The following USP24 variants were observed in gnomAD, a reference collection of about 807,000 sequenced individuals.
USP24 encodes the protein ubiquitin specific peptidase 24, also known as ubiquitin carboxyl-terminal hydrolase 24.
A neutral mutation model predicts 361.6 loss-of-function variants in USP24; 97 were observed. The observed-to-expected ratio is 0.27, with a 90% confidence interval of 0.23 to 0.32. The LOEUF (loss-of-function observed/expected upper bound fraction) is 0.32, where lower values mean the gene tolerates loss of function less well. Among genes scored for constraint, USP24 ranks in the 10% least tolerant of loss-of-function variants. The pLI, the probability that USP24 is intolerant of heterozygous loss-of-function variation, is 1.00. For synonymous variants in USP24, 1,098 were observed against 1,124.6 expected, an observed-to-expected ratio of 0.98 and a Z score of 0.47; for missense variants, 2,353 against 3,165.6, an observed-to-expected ratio of 0.74 and a Z score of 6.16.
intron 60 of USP24, 99 bp from the exon 61 acceptor site, chr1:55,078,750 T>C: frequency 1.2e-6 from 1 of 835,066 alleles, no homozygotes. Context: ...GATTTTAAGA[T>C]AATTAACACT....
intron 49 of USP24, 35 bp downstream of exon 49, chr1:55,096,917 G>A: frequency 6.3e-7 from 1 of 1,597,508 alleles, no homozygotes; most frequent in Non-Finnish European, 8.5e-7. Flanking sequence ...GGGGAGGGCA[G>A]AAAGTGAGTA....
In USP24 at chr1:55,128,264, C is replaced by CT. The variant is rs1646493415; in HGVS notation, c.3635+1212dup. ...ATCTCCTCTCTGGATACTGTCAGCT[C>CT]TCAGTCTACCCTTCCTCCAGTCTCT... On this transcript the variant is annotated intron_variant, in intron 32 of 67. Transcript: ENST00000294383. Among the ~76,000 whole-genome samples the CT allele has an allele frequency of 2.0e-5, 3 of 152,172 alleles. No individual in the cohort carries two copies. In the South Asian group the frequency reaches 6.2e-4, roughly 32 times the overall value.
At position 55,097,203 on chromosome 1, in the gene USP24, T is replaced by C. The variant is rs370242970; in HGVS notation, c.5716-31A>G. The C allele has an allele frequency of 6.6e-5, 106 of 1,609,952 alleles. No individual in the cohort carries two copies. In the East Asian group the frequency reaches 2.2e-3, roughly 33 times the overall value. On this transcript the variant is annotated intron_variant, in intron 48 of 67. Transcript: ENST00000294383. ...TAGAAGCAAAAAGACCATATTAACGTTGATTACTAACATATACAGCAGTAC... is the reference window on the plus strand; with the variant it reads ...TAGAAGCAAAAAGACCATATTAACGCTGATTACTAACATATACAGCAGTAC...
At chr1:55,120,504 A>G in intron 38 of USP24, 92 bp downstream of exon 38, 1 of 1,364,656 alleles carries the variant, frequency 7.3e-7, no homozygotes, top group Non-Finnish European at 9.7e-7. Context: ...TAGTCATCTC[A>G]ATAATGCACT....
chr1:55,192,665 T>C (rs1052541287), intron 1 of USP24, among the ~76,000 whole-genome samples: 1 of 152,260 alleles, frequency 6.6e-6, no homozygotes, highest in African/African-American at 2.4e-5. Flanking sequence ...TCAGTTTTAC[T>C]AAATATTTTT....
At chr1:55,113,133 G>A (rs763844850) in intron 38 of USP24, among the ~76,000 whole-genome samples, 1 of 150,890 alleles carries the variant, frequency 6.6e-6, no homozygotes, top group East Asian at 1.9e-4. Flanking sequence ...ATTCCTAGAC[G>A]GCTAGCCAGA....
At chr1:55,173,927 G>A (rs761235893) in intron 3 of USP24, among the ~76,000 whole-genome samples, 3 of 152,172 alleles carry the variant, frequency 2.0e-5, no homozygotes, top group African/African-American at 7.2e-5. Flanking sequence ...CAATCCCTCT[G>A]GCACCATTCC....
intron 45 of USP24, among the ~76,000 whole-genome samples, 178 bp from the exon 46 acceptor site, chr1:55,098,736 A>G (rs1645555104): frequency 6.6e-6 from 1 of 152,170 alleles, no homozygotes. Flanking sequence ...GATGCAGACG[A>G]TCAGAAGAGG....
chr1:55,194,532 G>C (rs1405273441), intron 1 of USP24, among the ~76,000 whole-genome samples: 1 of 152,082 alleles, frequency 6.6e-6, no homozygotes, highest in Admixed American at 6.6e-5. Context: ...AGCTCAGAGG[G>C]CTGAGGCTGC....
intron 1 of USP24, among the ~76,000 whole-genome samples, chr1:55,188,467 T>C (rs1175634783): frequency 2.0e-5 from 3 of 151,206 alleles, no homozygotes; most frequent in African/African-American, 7.3e-5. Flanking sequence ...AAGATTTGCA[T>C]ATAGAATACA....
chr1:55,102,779 T>C (rs1294032327), intron 42 of USP24, among the ~76,000 whole-genome samples: 1 of 152,212 alleles, frequency 6.6e-6, no homozygotes, highest in African/African-American at 2.4e-5. Flanking sequence ...TAATTTTTGA[T>C]GTAAGGAAAA....
intron 28 of USP24, among the ~76,000 whole-genome samples, chr1:55,135,328 G>GC (rs1646704168): frequency 6.6e-6 from 1 of 152,042 alleles, no homozygotes; most frequent in Admixed American, 6.6e-5. Flanking sequence ...ACCAACACAG[G>GC]CTGAGTATCC....
chr1:55,079,793 T>TTAGTACTCTCACAGAGTACTCACACA, intron 59 of USP24, 134 bp from the exon 60 acceptor site: 2 of 1,051,218 alleles, frequency 1.9e-6, no homozygotes, highest in Non-Finnish European at 2.6e-6. Context: ...ACTCACACAC[T>TTAGTACTCTCACAGAGTACTCACACA]GAGTACTCAC....
In USP24 at chr1:55,086,229, T is replaced by C. The variant is rs1645248645; in HGVS notation, c.6669-191A>G. On this transcript the variant is annotated intron_variant, in intron 55 of 67. Transcript: ENST00000294383. Reference sequence around the variant, plus strand: ...TATTCCTGCTAACTGTAATGCCACATACCAGCCAAGGCTCTGTTCAAAATT... The same window carrying C: ...TATTCCTGCTAACTGTAATGCCACACACCAGCCAAGGCTCTGTTCAAAATT... The C allele has an allele frequency of 6.6e-6, 4 of 603,758 alleles. No individual in the cohort carries two copies. In the South Asian group the frequency reaches 8.1e-5, roughly 12 times the overall value. The allele number at this position is 603,758 out of a possible 1,614,324, so 37.4% of individuals were successfully genotyped here. A position where few individuals can be genotyped will look rare whatever the true frequency, so the allele number is the denominator to read the frequency against.
chr1:55,138,316 C>T (rs1016340153), intron 26 of USP24, among the ~76,000 whole-genome samples: 3 of 152,180 alleles, frequency 2.0e-5, no homozygotes, highest in South Asian at 2.1e-4. Context: ...GAGACCTTCC[C>T]TGTCCATCTT....
At chr1:55,086,135 G>T in intron 55 of USP24, 97 bp from the exon 56 acceptor site, 1 of 1,182,386 alleles carries the variant, frequency 8.5e-7, no homozygotes, top group Admixed American at 1.8e-5. Context: ...AGAAACAAAA[G>T]TAGAGTCTCC....
chr1:55,069,352 C>T (rs1265984977), intron 67 of USP24, among the ~76,000 whole-genome samples: 1 of 152,242 alleles, frequency 6.6e-6, no homozygotes, highest in South Asian at 2.1e-4. Flanking sequence ...AGTCACAATG[C>T]TACTCTGCAC....
chr1:55,116,733 C>G (rs537144995), intron 38 of USP24, among the ~76,000 whole-genome samples: 1 of 151,444 alleles, frequency 6.6e-6, no homozygotes, highest in African/African-American at 2.4e-5. Context: ...AAAGAAAAGC[C>G]CTGGACCAGA....
chr1:55,128,314 T>C (rs1557603579), intron 32 of USP24, among the ~76,000 whole-genome samples: 1 of 152,186 alleles, frequency 6.6e-6, no homozygotes, highest in Non-Finnish European at 1.5e-5. Flanking sequence ...TCCTCTTCAC[T>C]GCTGCCAGAG....
Sources: allele counts gnomAD v4.1 joint callset (sites outside exome capture counted in the v4.1 genomes callset), GRCh38; gene constraint gnomAD v4.1.1; transcripts MANE v1.5; gene names NCBI Gene and HGNC (gene_info 2026-07-23, HGNC 2026-07-21).